The following CTNNA2 variants were observed in gnomAD, a reference collection of about 807,000 sequenced individuals.
The protein encoded by CTNNA2 is catenin alpha 2, also known as catenin alpha-2.
A neutral mutation model predicts 101.0 loss-of-function variants in CTNNA2; 42 were observed. The observed-to-expected ratio is 0.42, with a 90% CI of 0.32 to 0.54. The LOEUF (loss-of-function observed/expected upper bound fraction) is 0.54, where lower values mean the gene tolerates loss of function less well. Among genes scored for constraint, CTNNA2 ranks in the 20% least tolerant of loss-of-function variants. The pLI is 0.14. For synonymous variants in CTNNA2, 450 were observed against 456.4 expected (o/e 0.99, Z 0.18); for missense variants, 871 against 1,223.1 (o/e 0.71, Z 4.29).
Position 80,647,925 on chromosome 2 carries a change from CT to C in CTNNA2, c.*58del. 6.6e-7 allele frequency: 1 copy of C among 1,505,150 alleles called. No individual in the cohort carries two copies. The highest frequency in any genetic ancestry group is 8.9e-7 in the Non-Finnish European group (1 of 1,124,344). 93.2% of individuals were successfully genotyped at this position (1,505,150 alleles called of 1,614,324 possible). On this transcript the variant is annotated 3_prime_UTR_variant, in exon 19 of 19. Transcript: ENST00000402739. The stretch of plus-strand genomic sequence containing the variant: ...TTCTTTCTTTTCTTTCTTTCTTTTT[CT>C]TTTTAATTCCATTTTTGTATGCATA...
chr2:80,475,799 C>T (rs1685683004), intron 9 of CTNNA2, among the ~76,000 whole-genome samples: 1 of 151,912 alleles, frequency 6.6e-6, no homozygotes, highest in African/African-American at 2.4e-5. Context: ...GATTACAGTA[C>T]ACAGAATATT....
Position 80,574,325 on chromosome 2 carries a change from C to A in CTNNA2, c.1893+11C>A, listed in dbSNP as rs1694858379. ...GTGCTGATGATCAGGGTATGTGAGGCCTCTGTAGCTCAGAGCTGGTCAGAT... is the reference window on the plus strand; with the variant it reads ...GTGCTGATGATCAGGGTATGTGAGGACTCTGTAGCTCAGAGCTGGTCAGAT... On this transcript the variant is annotated intron_variant, in intron 13 of 18. Coordinates refer to ENST00000402739, the MANE Select transcript of CTNNA2 (RefSeq NM_001282597.3). 1.2e-6 allele frequency: 2 copies of A among 1,600,956 alleles called. No homozygotes were observed. Among genetic ancestry groups the A allele is most frequent in the South Asian group, 1.1e-5 (1 of 89,864 alleles).
rs1699870886 is a variant in CTNNA2, at chr2:80,092,847, A to G, written c.1056+183050A>G. On this transcript the variant is annotated intron_variant, in intron 7 of 18. Transcript: ENST00000402739. ...GATAAAATAAACTTAGATGATTTGA[A>G]AAACAAGCATTAAGGGTTAGATAGC... Among the ~76,000 whole-genome samples, 3 of 152,102 alleles carry G rather than the reference A, an allele frequency of 2.0e-5. No homozygotes were observed. The South Asian group carries it at 6.2e-4, about 32-fold the overall frequency.
At chr2:80,343,662 A>C (rs2149283243) in intron 7 of CTNNA2, among the ~76,000 whole-genome samples, 1 of 152,344 alleles carries the variant, frequency 6.6e-6, no homozygotes, top group South Asian at 2.1e-4. Flanking sequence ...ATTATTTATA[A>C]GAAAAATAGG....
intron 1 of CTNNA2, among the ~76,000 whole-genome samples, chr2:79,569,587 A>T (rs979762518): frequency 6.6e-6 from 1 of 152,112 alleles, no homozygotes. Context: ...TGCTAGTAGG[A>T]TCTGTCAGGT....
rs567547566 is a variant in CTNNA2, at chr2:80,156,118, G to C, written c.1057-237093G>C. Among the ~76,000 whole-genome samples, 21 of 152,252 alleles carry C rather than the reference G, an allele frequency of 1.4e-4. No individual in the cohort carries two copies. The South Asian group carries it at 4.4e-3, about 32-fold the overall frequency. On this transcript the variant is annotated intron_variant, in intron 7 of 18. Transcript: ENST00000402739. ...TCCTGGATCACATTTTGAGTTATAA[G>C]GCTGTAAACCCAACCCCAACATATA...
intron 1 of CTNNA2, among the ~76,000 whole-genome samples, chr2:79,187,585 T>C (rs1673798082): frequency 6.6e-6 from 1 of 152,224 alleles, no homozygotes; most frequent in Non-Finnish European, 1.5e-5. Flanking sequence ...TCAATCCTTT[T>C]GAGTCATATG....
intron 7 of CTNNA2, among the ~76,000 whole-genome samples, chr2:80,324,582 G>A (rs551324870): frequency 6.6e-6 from 1 of 152,336 alleles, no homozygotes; most frequent in South Asian, 2.1e-4. Flanking sequence ...AAGGTGAGAT[G>A]TTAATTCTTG....
rs554117412 is a variant in CTNNA2, at chr2:79,211,869, G to A, written c.-406+13793G>A. Reference sequence around the variant, plus strand: ...GAGATAGTGGGCGATGTTTCTCAGGGCTGCTTCGAGCGGGATTAGGGGCGG... The same window carrying A: ...GAGATAGTGGGCGATGTTTCTCAGGACTGCTTCGAGCGGGATTAGGGGCGG... On this transcript the variant is annotated intron_variant, in intron 2 of 21. Transcript: ENST00000466387. Among the ~76,000 whole-genome samples, 352 of 152,248 alleles carry A rather than the reference G, an allele frequency of 2.3e-3. 1 individual carries two copies. The highest frequency in any genetic ancestry group is 8.1e-3 in the African/African-American group (338 of 41,536).
chr2:80,323,325 A>G (rs752232605), intron 7 of CTNNA2, among the ~76,000 whole-genome samples: 27 of 152,172 alleles, frequency 1.8e-4, no homozygotes, highest in Non-Finnish European at 2.4e-4. Context: ...TGGTTCTGAT[A>G]TGCATCCAGA....
intron 3 of CTNNA2, among the ~76,000 whole-genome samples, chr2:79,364,084 C>A (rs1348501627): frequency 2.6e-5 from 4 of 152,136 alleles, no homozygotes; most frequent in Non-Finnish European, 1.5e-5. Flanking sequence ...GTATTAAAGT[C>A]TTTCACAGTG....
intron 3 of CTNNA2, among the ~76,000 whole-genome samples, chr2:79,844,278 G>A (rs1221837465): frequency 6.6e-6 from 1 of 152,038 alleles, no homozygotes; most frequent in Non-Finnish European, 1.5e-5. Flanking sequence ...TATCCAAAAA[G>A]TCTGAAAATA....
intron 4 of CTNNA2, among the ~76,000 whole-genome samples, chr2:79,460,373 G>C (rs2104534975): frequency 6.6e-6 from 1 of 151,862 alleles, no homozygotes; most frequent in Non-Finnish European, 1.5e-5. Context: ...CCCCTTTTTT[G>C]AATATCCCTT....
rs1314757226 is a variant in CTNNA2, at chr2:79,396,490, A to G, written c.-135+22477A>G. The stretch of plus-strand genomic sequence containing the variant: ...TTCCCACAAGACTTTAGGGACATTC[A>G]TTTGAGCTTCATTTCTTTTTGTTGC... On this transcript the variant is annotated intron_variant, in intron 4 of 21. Coordinates refer to the CTNNA2 transcript ENST00000466387. Among the ~76,000 whole-genome samples, 3 of 152,126 alleles carry G rather than the reference A, an allele frequency of 2.0e-5. No homozygotes were observed. In the East Asian group the frequency reaches 5.8e-4, roughly 29 times the overall value.
At chr2:79,800,822 G>A (rs567694615) in intron 3 of CTNNA2, among the ~76,000 whole-genome samples, 9 of 152,274 alleles carry the variant, frequency 5.9e-5, no homozygotes, top group East Asian at 1.9e-4. Context: ...CCAGATGAGC[G>A]CTAATTATTG....
chr2:79,828,187 G>A (rs1027562472), intron 3 of CTNNA2, among the ~76,000 whole-genome samples: 3 of 152,046 alleles, frequency 2.0e-5, no homozygotes, highest in Non-Finnish European at 2.9e-5. Context: ...TTCCCTTCAA[G>A]TTGTTAATAT....
intron 7 of CTNNA2, among the ~76,000 whole-genome samples, chr2:80,273,113 G>A (rs1673627492): frequency 6.6e-6 from 1 of 152,160 alleles, no homozygotes; most frequent in Admixed American, 6.5e-5. Flanking sequence ...AAGGAGGAAA[G>A]CAGTAGGATC....
At chr2:80,136,007 A>G (rs900417360) in intron 7 of CTNNA2, among the ~76,000 whole-genome samples, 13 of 152,162 alleles carry the variant, frequency 8.5e-5, no homozygotes, top group African/African-American at 2.2e-4. Context: ...GGAATCCCAA[A>G]TATTTCCTGC....
At chr2:79,620,560 G>T (rs1306813205) in intron 1 of CTNNA2, among the ~76,000 whole-genome samples, 2 of 152,142 alleles carry the variant, frequency 1.3e-5, no homozygotes, top group Non-Finnish European at 2.9e-5. Context: ...CCCTAACAGG[G>T]TACCTGAGTA....
Sources: gnomAD v4.1 joint callset for allele counts (sites outside exome capture counted in the v4.1 genomes callset) on GRCh38, gnomAD v4.1.1 for gene constraint, MANE v1.5 for transcripts, NCBI Gene and HGNC (gene_info 2026-07-23, HGNC 2026-07-21) for gene names.